RBFOX1: variants seen among roughly 807,000 people sequenced by gnomAD.
The protein encoded by RBFOX1 is RNA binding fox-1 homolog 1.
Under a neutral mutation model 57.7 loss-of-function variants are expected in RBFOX1, and 8 were observed. That is an observed-to-expected ratio of 0.14 (90% CI 0.08 to 0.25). RBFOX1 has a LOEUF of 0.25. Ranked by LOEUF, RBFOX1 falls within the 10% of genes least tolerant of loss-of-function variation. The probability of loss-of-function intolerance (pLI) is 1.00; values close to 1 mark genes in which losing one functional copy is unlikely to be tolerated. For synonymous variants in RBFOX1, 326 were observed against 222.4 expected, an observed-to-expected ratio of 1.47 and a Z score of -4.15; for missense variants, 611 against 548.5, an observed-to-expected ratio of 1.11 and a Z score of -1.14.
At chr16:7,022,024 T>TCTCCCTCCCCTC (rs1281967502) in intron 3 of RBFOX1, among the ~76,000 whole-genome samples, 2 of 2,368 alleles carry the variant, frequency 8.4e-4, no homozygotes, top group Non-Finnish European at 1.2e-3. Flanking sequence ...CCCTTCCCCC[T>TCTCCCTCCCCTC]CCCCTTCCCC....
chr16:5,838,966 C>T (rs182281742), intron 3 of RBFOX1, among the ~76,000 whole-genome samples: 1 of 152,230 alleles, frequency 6.6e-6, no homozygotes, highest in African/African-American at 2.4e-5. Context: ...CCCCAGAGGA[C>T]ATTTGGCAAT....
intron 3 of RBFOX1, among the ~76,000 whole-genome samples, chr16:5,620,990 G>A (rs898411322): frequency 2.6e-5 from 4 of 151,962 alleles, no homozygotes; most frequent in African/African-American, 7.3e-5. Flanking sequence ...ATAGACGCTC[G>A]CCACCACGCC....
intron 4 of RBFOX1, among the ~76,000 whole-genome samples, chr16:7,256,420 G>C (rs540047272): frequency 6.6e-6 from 1 of 152,308 alleles, no homozygotes; most frequent in Non-Finnish European, 1.5e-5. Context: ...CATGGGAGAA[G>C]CCTACACTAG....
chr16:6,391,867 C>A (rs8048501), intron 2 of RBFOX1, among the ~76,000 whole-genome samples: 24,656 of 152,176 alleles, frequency 0.16, 2,814 homozygotes, highest in African/African-American at 0.32. Flanking sequence ...ATATTGCACT[C>A]ATTACAGTGT....
At chr16:6,837,299 C>G (rs534392187) in intron 3 of RBFOX1, among the ~76,000 whole-genome samples, 1 of 152,188 alleles carries the variant, frequency 6.6e-6, no homozygotes, top group African/African-American at 2.4e-5. Flanking sequence ...GGCTCAAGAC[C>G]CAGGCTGCTT....
At chr16:7,023,564 T>TAAAAAAAAAAAAAAAGAAAA (rs2039957110) in intron 3 of RBFOX1, among the ~76,000 whole-genome samples, 1 of 43,916 alleles carries the variant, frequency 2.3e-5, no homozygotes, top group African/African-American at 8.9e-5. Context: ...TCGTCTGTAC[T>TAAAAAAAAAAAAAAAGAAAA]AAAAAAAAAA....
intron 4 of RBFOX1, among the ~76,000 whole-genome samples, chr16:7,120,202 T>C (rs1325359477): frequency 6.6e-6 from 1 of 151,988 alleles, no homozygotes; most frequent in Admixed American, 6.6e-5. Flanking sequence ...TAGAGGGAAA[T>C]ACATAATGCT....
intron 4 of RBFOX1, among the ~76,000 whole-genome samples, chr16:5,978,508 A>G (rs551067712): frequency 6.6e-6 from 1 of 152,284 alleles, no homozygotes; most frequent in African/African-American, 2.4e-5. Context: ...CTATATTACT[A>G]TTAAGGCCAC....
At chr16:7,072,349 C>G (rs1401243333) in intron 4 of RBFOX1, among the ~76,000 whole-genome samples, 1 of 152,200 alleles carries the variant, frequency 6.6e-6, no homozygotes, top group Non-Finnish European at 1.5e-5. Context: ...TACCCACAAT[C>G]TGTTATTCCC....
intron 3 of RBFOX1, among the ~76,000 whole-genome samples, chr16:6,738,067 T>G (rs77471364): frequency 1.4e-5 from 2 of 142,768 alleles, no homozygotes; most frequent in Middle Eastern, 3.5e-3. Context: ...CTTTTTTTTT[T>G]GCGGTAATTC....
intron 1 of RBFOX1, chr16:5,270,615 A>G (rs897510193): frequency 3.4e-5 from 20 of 585,764 alleles, no homozygotes; most frequent in African/African-American, 2.2e-4. Context: ...AAACGCAACA[A>G]TCAGATACTG....
In RBFOX1 at chr16:5,710,534, A is replaced by G. The variant is rs555009918; in HGVS notation, c.318+111573A>G. On this transcript the variant is annotated intron_variant, in intron 3 of 19. Coordinates refer to the RBFOX1 transcript ENST00000641259. ...ATTATGAGGATGGCAGGCCTGGCACATGGGTTCTCTCAAGGCAGCTTCCCA... is the reference window on the plus strand; with the variant it reads ...ATTATGAGGATGGCAGGCCTGGCACGTGGGTTCTCTCAAGGCAGCTTCCCA... Among the ~76,000 whole-genome samples, 13 of 152,290 alleles carry G rather than the reference A, an allele frequency of 8.5e-5. No homozygotes were observed. In the East Asian group the frequency reaches 2.1e-3, roughly 25 times the overall value.
At position 5,367,931 on chromosome 16, in the gene RBFOX1, C is replaced by A. The variant is rs530857643; in HGVS notation, c.220-99285C>A. ...ACGTTAAGAAGATCCACACCTCATG[C>A]ACTTGACCTTGGGTTGTGAGGAGTT... On this transcript the variant is annotated intron_variant, in intron 1 of 2. Transcript: ENST00000585867. Among the ~76,000 whole-genome samples, 126 of 152,202 alleles carry A rather than the reference C, an allele frequency of 8.3e-4. 1 individual carries two copies. The highest frequency in any genetic ancestry group is 1.5e-3 in the Non-Finnish European group (100 of 68,036).
chr16:7,653,926 C>T lies in RBFOX1; in HGVS notation c.869C>T (p.Pro290Leu), dbSNP rs779385472. The part of the protein sequence containing the change: ...YNTFRAAAPP[P>L]PIPAYGGVVY... ...ACCTTCAGGGCCGCGGCGCCCCCGC[C>T]CCCGATCCCGGCCTACGGCGGGTAA... The change falls in exon 12 of 16, where the codon CCC (proline) becomes CTC (leucine). Residue 290 changes from proline (P) to leucine (L), a missense_variant. By Grantham distance (98) the Pro-to-Leu change is moderately conservative (BLOSUM62 -3). Around this residue, in one of 3 missense-constraint regions of RBFOX1, gnomAD observed 267 missense variants for 229.1 expected, o/e 1.17. Coordinates refer to ENST00000550418, the MANE Select transcript of RBFOX1 (RefSeq NM_018723.4). The T allele has an allele frequency of 6.4e-7, 1 of 1,557,206 alleles. No homozygotes were observed. The highest frequency in any genetic ancestry group is 1.8e-5 in the Admixed American group (1 of 54,198).
intron 1 of RBFOX1, among the ~76,000 whole-genome samples, chr16:6,288,233 G>A (rs200886942): frequency 0.035 from 2,086 of 59,150 alleles, 35 homozygotes; most frequent in East Asian, 0.35. Flanking sequence ...TCAGAATGGT[G>A]TGAACGGTTT....
intron 1 of RBFOX1, among the ~76,000 whole-genome samples, chr16:5,314,516 T>G (rs1345526558): frequency 6.6e-6 from 1 of 152,228 alleles, no homozygotes; most frequent in African/African-American, 2.4e-5. Context: ...TTTTTTCTTT[T>G]TTGAGACTGG....
intron 3 of RBFOX1, among the ~76,000 whole-genome samples, chr16:6,900,656 C>T (rs972822713): frequency 6.6e-6 from 1 of 152,288 alleles, no homozygotes; most frequent in African/African-American, 2.4e-5. Flanking sequence ...CCTTCTTGAC[C>T]TCGTCCCACC....
intron 1 of RBFOX1, among the ~76,000 whole-genome samples, chr16:6,029,157 C>T (rs957023467): frequency 6.6e-6 from 1 of 152,142 alleles, no homozygotes; most frequent in African/African-American, 2.4e-5. Context: ...ACAAAAGGTT[C>T]CCTAGTTAGT....
intron 4 of RBFOX1, among the ~76,000 whole-genome samples, chr16:7,306,553 A>G (rs968583347): frequency 1.4e-5 from 2 of 148,072 alleles, no homozygotes; most frequent in Non-Finnish European, 3.0e-5. Context: ...ATAATGTGAT[A>G]CTATGACATA....
Sources: allele counts gnomAD v4.1 joint callset (sites outside exome capture counted in the v4.1 genomes callset), GRCh38; gene constraint gnomAD v4.1.1; regional missense constraint gnomAD v4.1.1; transcripts MANE v1.5; gene names NCBI Gene and HGNC (gene_info 2026-07-23, HGNC 2026-07-21).